Variants in DPYD observed in about 807,000 individuals in gnomAD.
DPYD encodes the protein dihydropyrimidine dehydrogenase.
DPYD carries 109 observed loss-of-function variants against 116.2 expected under a neutral mutation model. The ratio of observed to expected loss-of-function variants is 0.94; its 90% CI spans 0.80 to 1.10. DPYD has a LOEUF of 1.10. DPYD is among the 50% of genes least tolerant of loss of function. The pLI, the probability that DPYD is intolerant of heterozygous loss-of-function variation, is 0.00. For missense variants in DPYD, 1,302 were observed against 1,254.5 expected (o/e 1.04, Z -0.57); for synonymous variants, 440 against 432.0 (o/e 1.02, Z -0.23).
At chr1:97,286,429 T>C (rs1235056419) in intron 18 of DPYD, among the ~76,000 whole-genome samples, 1 of 152,184 alleles carries the variant, frequency 6.6e-6, no homozygotes, top group Non-Finnish European at 1.5e-5. Flanking sequence ...AGTATCTTTG[T>C]GGCGTTCTCT....
intron 20 of DPYD, among the ~76,000 whole-genome samples, chr1:97,138,915 A>T (rs1653998893): frequency 6.6e-6 from 1 of 152,148 alleles, no homozygotes; most frequent in African/African-American, 2.4e-5. Context: ...CACATGACTG[A>T]CTTGGGTAGA....
chr1:97,676,026 T>G (rs1390050936), intron 8 of DPYD, among the ~76,000 whole-genome samples: 1 of 152,028 alleles, frequency 6.6e-6, no homozygotes, highest in Non-Finnish European at 1.5e-5. Flanking sequence ...GGATTACAGG[T>G]GTGAGCCACC....
chr1:97,334,882 C>T (rs1174978756), intron 16 of DPYD, among the ~76,000 whole-genome samples: 2 of 152,116 alleles, frequency 1.3e-5, no homozygotes, highest in Non-Finnish European at 2.9e-5. Context: ...TGTGCCGCCA[C>T]CTAAGAATGA....
intron 4 of DPYD, among the ~76,000 whole-genome samples, chr1:97,724,587 G>C (rs1663129067): frequency 6.6e-6 from 1 of 151,476 alleles, no homozygotes; most frequent in Non-Finnish European, 1.5e-5. Flanking sequence ...GAAGAATTAT[G>C]TGTTTTTCAG....
chr1:97,238,588 T>C (rs991510913), intron 18 of DPYD, among the ~76,000 whole-genome samples: 15 of 152,158 alleles, frequency 9.9e-5, no homozygotes, highest in African/African-American at 3.1e-4. Flanking sequence ...ATCAATGCCA[T>C]ACAAAATTGT....
chr1:97,821,955 C>G (rs761760507), intron 3 of DPYD, among the ~76,000 whole-genome samples: 8 of 151,790 alleles, frequency 5.3e-5, no homozygotes, highest in Non-Finnish European at 1.0e-4. Flanking sequence ...AATTAATTTA[C>G]CTAAAATTAC....
intron 20 of DPYD, among the ~76,000 whole-genome samples, chr1:97,111,259 G>T (rs892194830): frequency 3.9e-5 from 6 of 152,022 alleles, no homozygotes; most frequent in Non-Finnish European, 8.8e-5. Flanking sequence ...GTCTTAAATA[G>T]AAACTATGAC....
chr1:97,261,605 A>AG (rs1393770418), intron 18 of DPYD, among the ~76,000 whole-genome samples: 1 of 151,818 alleles, frequency 6.6e-6, no homozygotes, highest in Non-Finnish European at 1.5e-5. Flanking sequence ...TATTTAAAGA[A>AG]AATAGTTTGA....
At chr1:97,576,402 C>T (rs899270045) in intron 10 of DPYD, among the ~76,000 whole-genome samples, 2 of 152,068 alleles carry the variant, frequency 1.3e-5, no homozygotes, top group African/African-American at 2.4e-5. Context: ...TCTTACAGAT[C>T]GATTTAGGAT....
rs141587489 is a variant in DPYD, at chr1:97,878,258, C to A, written c.150+5006G>T. ...TTCTAGATTACTGAGTCTTTGTTAGCCCCTTATATTTTGAACCTCAGGCCA... is the reference window on the plus strand; with the variant it reads ...TTCTAGATTACTGAGTCTTTGTTAGACCCTTATATTTTGAACCTCAGGCCA... On this transcript the variant is annotated intron_variant, in intron 2 of 22. Coordinates refer to ENST00000370192, the MANE Select transcript of DPYD (RefSeq NM_000110.4). 2.9e-3 allele frequency among the ~76,000 whole-genome samples: 445 copies of A among 151,744 alleles called. 2 individuals are homozygous for A. Among genetic ancestry groups the A allele is most frequent in the African/African-American group, 0.01 (423 of 41,428 alleles).
chr1:97,159,065 A>C (rs1362977718), intron 20 of DPYD, among the ~76,000 whole-genome samples: 2 of 152,112 alleles, frequency 1.3e-5, no homozygotes, highest in African/African-American at 2.4e-5. Context: ...GAGCATTTTG[A>C]CTGCTCTCAA....
At chr1:97,705,961 G>A (rs570205897) in intron 5 of DPYD, among the ~76,000 whole-genome samples, 76 of 151,738 alleles carry the variant, frequency 5.0e-4, no homozygotes, top group Middle Eastern at 3.4e-3. Flanking sequence ...CATATCCTTC[G>A]CCCACTTTTT....
At chr1:97,793,564 G>T (rs1259939017) in intron 3 of DPYD, among the ~76,000 whole-genome samples, 1 of 151,976 alleles carries the variant, frequency 6.6e-6, no homozygotes, top group Non-Finnish European at 1.5e-5. Context: ...CTGACAACTG[G>T]TTTTCATAAA....
chr1:97,505,358 A>G (rs1455992775), intron 13 of DPYD, among the ~76,000 whole-genome samples: 1 of 151,950 alleles, frequency 6.6e-6, no homozygotes, highest in African/African-American at 2.4e-5. Flanking sequence ...ATTATGCTGC[A>G]TCTTACATAT....
intron 14 of DPYD, among the ~76,000 whole-genome samples, chr1:97,441,718 T>A (rs1014851670): frequency 5.9e-5 from 9 of 152,194 alleles, no homozygotes. Context: ...CTTATTTACA[T>A]AACAGGTAAT....
rs1194614534 is a variant in DPYD, at chr1:97,594,998, T to G, written c.958+61A>C. On this transcript the variant is annotated intron_variant, in intron 9 of 22. Coordinates refer to ENST00000370192, the MANE Select transcript of DPYD (RefSeq NM_000110.4). ...TGTGCTGCTGAGCTTGATTTTGATA[T>G]TAATTTATCATAAATAAAATAGCAT... is the stretch of plus-strand genomic sequence containing the variant. 3.7e-6 allele frequency: 5 copies of G among 1,344,170 alleles called. No individual in the cohort carries two copies. The African/African-American group carries it at 4.3e-5, about 12-fold the overall frequency. The allele number at this position is 1,344,170 out of a possible 1,614,324, so 83.3% of individuals were successfully genotyped here.
At chr1:97,455,972 T>C (rs1204190001) in intron 13 of DPYD, among the ~76,000 whole-genome samples, 3 of 151,874 alleles carry the variant, frequency 2.0e-5, no homozygotes, top group Non-Finnish European at 2.9e-5. Context: ...TAAGCAAAAA[T>C]AGCACTATTA....
intron 13 of DPYD, among the ~76,000 whole-genome samples, chr1:97,480,485 T>G (rs950467): frequency 0.82 from 125,487 of 152,148 alleles, 52,034 homozygotes; most frequent in Middle Eastern, 0.88. Flanking sequence ...GAAAAAAGTG[T>G]AGTGTAGTCA....
chr1:97,480,729 C>T (rs1391949459), intron 13 of DPYD, among the ~76,000 whole-genome samples: 1 of 152,046 alleles, frequency 6.6e-6, no homozygotes, highest in Non-Finnish European at 1.5e-5. Context: ...GCCTGTAATC[C>T]CAGCACTTTG....
Sources: gnomAD v4.1 joint callset for allele counts (sites outside exome capture counted in the v4.1 genomes callset) on GRCh38, gnomAD v4.1.1 for gene constraint, MANE v1.5 for transcripts, NCBI Gene and HGNC (gene_info 2026-07-23, HGNC 2026-07-21) for gene names.